The following RORA variants were observed in gnomAD, a reference collection of about 807,000 sequenced individuals.
RORA encodes nuclear receptor ROR-alpha.
In RORA, 7 loss-of-function variants were observed where a neutral mutation model predicts 69.5. The ratio of observed to expected loss-of-function variants is 0.10; its 90% confidence interval spans 0.06 to 0.19. The LOEUF is 0.19. RORA is among the 10% of genes least tolerant of loss of function. RORA has a pLI of 1.00. For missense variants in RORA, 457 were observed against 663.0 expected (o/e 0.69, Z 3.41); for synonymous variants, 261 against 240.8 (o/e 1.08, Z -0.78).
At chr15:60,706,438 G>A (rs1461304278) in intron 1 of RORA, 1 of 152,226 alleles carries the variant, frequency 6.6e-6, no homozygotes, top group Admixed American at 6.5e-5. Context: ...GTATTTTGGG[G>A]GTGGGGCATG....
chr15:60,785,754 G>A (rs1013030381), intron 1 of RORA, among the ~76,000 whole-genome samples: 4 of 152,262 alleles, frequency 2.6e-5, no homozygotes, highest in South Asian at 2.1e-4. Flanking sequence ...TCATGTTTCC[G>A]ATCATCGCTT....
intron 1 of RORA, among the ~76,000 whole-genome samples, chr15:60,788,180 G>T (rs890929724): frequency 2.6e-5 from 4 of 152,204 alleles, no homozygotes; most frequent in African/African-American, 9.6e-5. Context: ...TGAAATTTCC[G>T]GGCTGAGTGA....
At chr15:60,702,192 G>A (rs1226114439) in intron 1 of RORA, among the ~76,000 whole-genome samples, 2 of 152,042 alleles carry the variant, frequency 1.3e-5, no homozygotes, top group Non-Finnish European at 2.9e-5. Context: ...AAATAATGAT[G>A]GTACTCTTCT....
At chr15:60,849,760 G>A (rs540858873) in intron 1 of RORA, among the ~76,000 whole-genome samples, 1 of 152,326 alleles carries the variant, frequency 6.6e-6, no homozygotes, top group African/African-American at 2.4e-5. Context: ...GTGGAGCTGG[G>A]AAGAAACATG....
intron 1 of RORA, among the ~76,000 whole-genome samples, chr15:61,112,270 A>T (rs553820824): frequency 2.0e-5 from 3 of 152,334 alleles, no homozygotes; most frequent in Non-Finnish European, 4.4e-5. Context: ...ACTTTATACA[A>T]GTATTGATCC....
intron 1 of RORA, among the ~76,000 whole-genome samples, chr15:60,895,519 G>A (rs769573452): frequency 1.3e-5 from 2 of 152,068 alleles, no homozygotes; most frequent in African/African-American, 2.4e-5. Context: ...TTTTAGTATC[G>A]GAAAATCTTA....
chr15:60,620,248 C>T (rs887411352), intron 2 of RORA, among the ~76,000 whole-genome samples: 21 of 152,090 alleles, frequency 1.4e-4, no homozygotes, highest in Non-Finnish European at 2.6e-4. Context: ...GTGAAAATAA[C>T]ATAGAAAATG....
At chr15:60,706,666 T>C (rs2071067221) in intron 1 of RORA, among the ~76,000 whole-genome samples, 1 of 152,186 alleles carries the variant, frequency 6.6e-6, no homozygotes, top group Non-Finnish European at 1.5e-5. Flanking sequence ...CTTCCCATTG[T>C]CACAAATCCT....
intron 1 of RORA, among the ~76,000 whole-genome samples, chr15:61,086,614 AT>A (rs1329956132): frequency 6.6e-6 from 1 of 152,136 alleles, no homozygotes; most frequent in African/African-American, 2.4e-5. Context: ...TTAAAATTTG[AT>A]TTGGCCGCTT....
chr15:60,698,308 G>A (rs1000525737), intron 1 of RORA, among the ~76,000 whole-genome samples: 3 of 152,128 alleles, frequency 2.0e-5, no homozygotes, highest in Non-Finnish European at 2.9e-5. Flanking sequence ...ACTCTGTCCT[G>A]ACAATTCTTA....
chr15:60,851,073 AG>A (rs1172912713), intron 1 of RORA, among the ~76,000 whole-genome samples: 4 of 152,192 alleles, frequency 2.6e-5, no homozygotes, highest in African/African-American at 9.7e-5. Context: ...TGCTGTTGTC[AG>A]GACTCTTGTT....
intron 1 of RORA, among the ~76,000 whole-genome samples, chr15:60,887,690 T>A (rs2073766708): frequency 6.6e-6 from 1 of 152,136 alleles, no homozygotes; most frequent in East Asian, 1.9e-4. Flanking sequence ...AATAACACAC[T>A]CTCTTTGGCA....
At chr15:60,729,004 G>A (rs556203421) in intron 1 of RORA, among the ~76,000 whole-genome samples, 6 of 152,214 alleles carry the variant, frequency 3.9e-5, no homozygotes, top group East Asian at 3.9e-4. Flanking sequence ...ATCCATAGGC[G>A]GGATATTTAC....
At chr15:61,122,525 AT>A (rs1458485972) in intron 1 of RORA, among the ~76,000 whole-genome samples, 3 of 152,168 alleles carry the variant, frequency 2.0e-5, no homozygotes, top group Non-Finnish European at 4.4e-5. Context: ...TAAAGCCGTA[AT>A]TTACATTTTA....
chr15:60,597,858 A>G (rs977358887), intron 2 of RORA, among the ~76,000 whole-genome samples: 2 of 150,910 alleles, frequency 1.3e-5, no homozygotes, highest in Non-Finnish European at 2.9e-5. Context: ...TTTCAGAATC[A>G]TTCCCCATCC....
intron 1 of RORA, chr15:60,686,830 G>A (rs918310726): frequency 2.6e-5 from 4 of 152,298 alleles, no homozygotes; most frequent in Non-Finnish European, 5.9e-5. Context: ...ATGGCCCAAA[G>A]ATTATGGAGT....
At chr15:61,133,472 C>A (rs559082315) in intron 1 of RORA, among the ~76,000 whole-genome samples, 5 of 152,222 alleles carry the variant, frequency 3.3e-5, no homozygotes, top group African/African-American at 1.2e-4. Context: ...TAAAAAGAAT[C>A]TGGAGAAGCA....
intron 1 of RORA, among the ~76,000 whole-genome samples, chr15:61,126,749 T>G (rs1399260583): frequency 6.6e-6 from 1 of 152,202 alleles, no homozygotes; most frequent in Non-Finnish European, 1.5e-5. Context: ...TTAAAGTGTT[T>G]AAGTAACTTA....
intron 1 of RORA, among the ~76,000 whole-genome samples, chr15:61,038,118 G>C (rs963941172): frequency 1.3e-5 from 2 of 152,074 alleles, no homozygotes; most frequent in Non-Finnish European, 2.9e-5. Flanking sequence ...AAGAGAGAAA[G>C]AGTCCTAGAA....
Sources: gnomAD v4.1 joint callset for allele counts (sites outside exome capture counted in the v4.1 genomes callset) on GRCh38, gnomAD v4.1.1 for gene constraint, MANE v1.5 for transcripts, NCBI Gene and HGNC (gene_info 2026-07-23, HGNC 2026-07-21) for gene names.